Variants in SHISA9 observed in about 807,000 individuals in gnomAD.
SHISA9 encodes protein shisa-9.
A neutral mutation model predicts 38.0 loss-of-function variants in SHISA9; 13 were observed. The ratio of observed to expected loss-of-function variants is 0.34; its 90% CI spans 0.22 to 0.54. The LOEUF (loss-of-function observed/expected upper bound fraction) is 0.54. Among genes scored for constraint, SHISA9 ranks in the 20% least tolerant of loss-of-function variants. The probability of loss-of-function intolerance (pLI) is 0.91; values close to 1 mark genes in which losing one functional copy is unlikely to be tolerated. For synonymous variants in SHISA9, 275 were observed against 242.0 expected (o/e 1.14, Z -1.27); for missense variants, 538 against 575.8 (o/e 0.93, Z 0.67).
the SHISA9 span, among the ~76,000 whole-genome samples, chr16:13,309,332 T>A: frequency 6.6e-6 from 1 of 152,076 alleles, no homozygotes; most frequent in Non-Finnish European, 1.5e-5. Context: ...ATCCTGCACA[T>A]GTACCCTGGA....
At chr16:12,916,270 G>T (rs569128461) in intron 1 of SHISA9, among the ~76,000 whole-genome samples, 1 of 152,240 alleles carries the variant, frequency 6.6e-6, no homozygotes, top group South Asian at 2.1e-4. Context: ...TTAGCGTGGT[G>T]CCTGGCTTAT....
chr16:13,226,745 G>A (rs1159013878), intron 4 of SHISA9, among the ~76,000 whole-genome samples: 1 of 152,180 alleles, frequency 6.6e-6, no homozygotes, highest in Non-Finnish European at 1.5e-5. Flanking sequence ...GTCTAAGATG[G>A]CCTCACTGAA....
At chr16:13,230,741 A>G (rs1330090565) in intron 4 of SHISA9, among the ~76,000 whole-genome samples, 2 of 152,220 alleles carry the variant, frequency 1.3e-5, no homozygotes, top group East Asian at 3.9e-4. Context: ...TGGTTACTCC[A>G]TAGACAGAGC....
At chr16:13,245,259 C>T (rs1043648946), downstream of SHISA9, among the ~76,000 whole-genome samples, 3 of 152,232 alleles carry the variant, frequency 2.0e-5, no homozygotes, top group Non-Finnish European at 1.5e-5. Flanking sequence ...TAAATTTCAA[C>T]TAGAGGCCAG....
chr16:13,488,917 G>A, the SHISA9 span, among the ~76,000 whole-genome samples: 1 of 151,912 alleles, frequency 6.6e-6, no homozygotes, highest in Non-Finnish European at 1.5e-5. Flanking sequence ...GCCTGCCACC[G>A]CGCCTGCCAC....
At chr16:13,490,760 C>T in the SHISA9 span, among the ~76,000 whole-genome samples, 11 of 152,292 alleles carry the variant, frequency 7.2e-5, no homozygotes, top group Admixed American at 5.9e-4. Context: ...AGGCAAAGCA[C>T]TTAGCACTTA....
intron 2 of SHISA9, among the ~76,000 whole-genome samples, chr16:13,129,462 G>T (rs1306965253): frequency 6.6e-6 from 1 of 152,156 alleles, no homozygotes; most frequent in East Asian, 1.9e-4. Context: ...GGTTTTAGTA[G>T]ACCAAGCTTC....
Position 13,239,141 on chromosome 16 carries a change from CCATGTCCCTA to C in SHISA9, c.*3735_*3744del. On this transcript the variant is annotated 3_prime_UTR_variant, in exon 5 of 5. Transcript: ENST00000558583. ...TGAGAATGATGATTTCCAATTTCAT[CCATGTCCCTA>C]CAAAGGACATGAACTCATCATTTTT... The C allele has an allele frequency of 6.6e-6, 1 of 151,580 alleles. No homozygotes were observed. The highest frequency in any genetic ancestry group is 1.9e-4 in the East Asian group (1 of 5,142). The allele number at this position is 151,580 out of a possible 1,614,324, so 9.4% of individuals were successfully genotyped here.
At chr16:13,397,433 T>TTTG in the SHISA9 span, among the ~76,000 whole-genome samples, 1 of 152,036 alleles carries the variant, frequency 6.6e-6, no homozygotes, top group South Asian at 2.1e-4. Context: ...TGTTTGTTTG[T>TTTG]TAGTTTGTTT....
intron 2 of SHISA9, among the ~76,000 whole-genome samples, chr16:12,965,912 C>A (rs1409658039): frequency 6.6e-6 from 1 of 152,214 alleles, no homozygotes; most frequent in African/African-American, 2.4e-5. Context: ...AAGTGCTTAT[C>A]TTAGGAATAG....
intron 2 of SHISA9, among the ~76,000 whole-genome samples, chr16:13,083,006 C>T (rs1379904156): frequency 2.0e-5 from 3 of 152,082 alleles, no homozygotes; most frequent in African/African-American, 4.8e-5. Flanking sequence ...GGAGTTTTGC[C>T]CCATTAGCAG....
At chr16:13,142,393 C>T (rs1200494211) in intron 2 of SHISA9, among the ~76,000 whole-genome samples, 1 of 152,174 alleles carries the variant, frequency 6.6e-6, no homozygotes, top group African/African-American at 2.4e-5. Flanking sequence ...TTTGCAGTTT[C>T]TGAGTTTTTC....
chr16:12,980,370 T>C (rs2072224685), intron 2 of SHISA9, among the ~76,000 whole-genome samples: 1 of 152,250 alleles, frequency 6.6e-6, no homozygotes, highest in South Asian at 2.1e-4. Context: ...GGATATAATA[T>C]GTTAAGTTCT....
At chr16:13,510,011 A>G in the SHISA9 span, among the ~76,000 whole-genome samples, 1 of 152,110 alleles carries the variant, frequency 6.6e-6, no homozygotes, top group African/African-American at 2.4e-5. Flanking sequence ...ATTATTTGTT[A>G]GTGAAAAACT....
At chr16:13,469,316 GAGAGAGAAAGAAAGAA>G in the SHISA9 span, among the ~76,000 whole-genome samples, 21 of 53,694 alleles carry the variant, frequency 3.9e-4, no homozygotes, top group Admixed American at 3.3e-3. Flanking sequence ...GAGAGAGAGA[GAGAGAGAAAGAAAGAA>G]AGAAAGAAAG....
At chr16:13,516,538 G>A in the SHISA9 span, among the ~76,000 whole-genome samples, 4 of 152,142 alleles carry the variant, frequency 2.6e-5, no homozygotes, top group Non-Finnish European at 2.9e-5. Context: ...AGTGGCTCAC[G>A]CCTGTAATCC....
At chr16:13,140,056 C>T (rs973587506) in intron 2 of SHISA9, among the ~76,000 whole-genome samples, 2 of 149,516 alleles carry the variant, frequency 1.3e-5, no homozygotes, top group Non-Finnish European at 3.0e-5. Context: ...CCCCTCTCCT[C>T]TCCTCTCCTC....
At chr16:13,060,125 C>A (rs1165936857) in intron 2 of SHISA9, among the ~76,000 whole-genome samples, 2 of 152,202 alleles carry the variant, frequency 1.3e-5, no homozygotes, top group South Asian at 2.1e-4. Context: ...GGTGGCTCCA[C>A]TAAATCCCAG....
chr16:13,522,391 C>T, the SHISA9 span, among the ~76,000 whole-genome samples: 1,143 of 152,218 alleles, frequency 7.5e-3, 18 homozygotes, highest in African/African-American at 0.027. Flanking sequence ...AGAGTTTCCC[C>T]CATCGGCCCC....
Sources: gnomAD v4.1 joint callset for allele counts (sites outside exome capture counted in the v4.1 genomes callset) on GRCh38, gnomAD v4.1.1 for gene constraint, MANE v1.5 for transcripts, NCBI Gene and HGNC (gene_info 2026-07-23, HGNC 2026-07-21) for gene names.